ATP13A4: variants seen among roughly 807,000 people sequenced by gnomAD.
ATP13A4 encodes probable cation-transporting ATPase 13A4.
In ATP13A4, 114 loss-of-function variants were observed where a neutral mutation model predicts 142.5. That is an observed-to-expected ratio of 0.80 (90% CI 0.69 to 0.93). The LOEUF is 0.93. Ranked by LOEUF, ATP13A4 falls within the 40% of genes least tolerant of loss-of-function variation. The probability of loss-of-function intolerance (pLI) is 0.00; values close to 1 mark genes in which losing one functional copy is unlikely to be tolerated. For synonymous variants in ATP13A4, 488 were observed against 514.8 expected, an observed-to-expected ratio of 0.95 and a Z score of 0.70; for missense variants, 1,392 against 1,454.0, an observed-to-expected ratio of 0.96 and a Z score of 0.69.
rs899309318 is a variant in ATP13A4, at chr3:193,417,752, G to A, written c.2843-3002C>T. On this transcript the variant is annotated intron_variant, in intron 25 of 29. Transcript: ENST00000342695. The stretch of plus-strand genomic sequence containing the variant: ...TGTAATCCCAGCACTTCGGGAGGCC[G>A]AGGCAGGTGGATCACGAGGTCAGGA... Among the ~76,000 whole-genome samples the A allele has an allele frequency of 1.9e-4, 28 of 150,514 alleles. 2 individuals are homozygous for A. The highest frequency in any genetic ancestry group is 8.2e-4 in the Admixed American group (12 of 14,702).
chr3:193,491,402 T>C lies in ATP13A4; in HGVS notation c.534-4A>G. ...ATTAGGCCCACATATTAACCTCCTA[T>C]AGAAAGAAATCACAGATCACTCTGT... On this transcript the variant is annotated splice_region_variant and splice_polypyrimidine_tract_variant and intron_variant, in intron 5 of 29. Coordinates refer to ENST00000342695, the MANE Select transcript of ATP13A4 (RefSeq NM_032279.4). The C allele has an allele frequency of 3.2e-6, 5 of 1,566,036 alleles. No individual in the cohort carries two copies. Among genetic ancestry groups the C allele is most frequent in the East Asian group, 2.2e-5 (1 of 44,522 alleles).
intron 7 of ATP13A4, among the ~76,000 whole-genome samples, chr3:193,486,296 T>G (rs961483791): frequency 6.6e-6 from 1 of 152,086 alleles, no homozygotes. Flanking sequence ...GGGAATATTT[T>G]GAAGCATTTT....
intron 1 of ATP13A4, among the ~76,000 whole-genome samples, chr3:193,589,628 ATTTAG>A (rs923733386): frequency 2.0e-5 from 3 of 152,290 alleles, no homozygotes; most frequent in East Asian, 1.9e-4. Flanking sequence ...GAACTGGAAA[ATTTAG>A]TTTAAAGTAG....
intron 2 of ATP13A4, among the ~76,000 whole-genome samples, chr3:193,560,428 T>A (rs1414164590): frequency 6.6e-6 from 1 of 152,084 alleles, no homozygotes; most frequent in Non-Finnish European, 1.5e-5. Context: ...AGGCTGGTCT[T>A]GAACCCTGAG....
intron 8 of ATP13A4, among the ~76,000 whole-genome samples, chr3:193,477,746 C>T (rs919675643): frequency 6.6e-6 from 1 of 151,992 alleles, no homozygotes; most frequent in African/African-American, 2.4e-5. Flanking sequence ...AGATGAGCAT[C>T]GATGGAGATC....
intron 25 of ATP13A4, among the ~76,000 whole-genome samples, chr3:193,415,732 A>G (rs1348637752): frequency 6.6e-6 from 1 of 152,204 alleles, no homozygotes; most frequent in African/African-American, 2.4e-5. Flanking sequence ...TTATTAGGCT[A>G]ACAAATGCAG....
intron 2 of ATP13A4, among the ~76,000 whole-genome samples, chr3:193,506,097 T>G (rs1720848474): frequency 6.6e-6 from 1 of 152,208 alleles, no homozygotes; most frequent in Admixed American, 6.5e-5. Context: ...AAGTAGGAAC[T>G]TATTCTCCCT....
At position 193,414,583 on chromosome 3, in the gene ATP13A4, G is replaced by A. The variant is rs759206138; in HGVS notation, c.3010C>T (p.His1004Tyr). Residue 1004 changes from histidine (H) to tyrosine (Y), a missense_variant, in exon 26 of 30, where the codon CAC (histidine) becomes TAC (tyrosine). Transcript: ENST00000342695. ...QRQPWYSVEI[H>Y]SACTVQNESI... Reference sequence around the variant, plus strand: ...AAGCTGAGACTATACTCATACCTGTGTATCTCCACGGAATACCAAGGCTGC... The same window carrying A: ...AAGCTGAGACTATACTCATACCTGTATATCTCCACGGAATACCAAGGCTGC... The A allele has an allele frequency of 1.2e-6, 2 of 1,613,756 alleles. No individual in the cohort carries two copies. Among genetic ancestry groups the A allele is most frequent in the Non-Finnish European group, 1.7e-6 (2 of 1,179,748 alleles).
At chr3:193,421,311 A>G (rs559172731) in intron 25 of ATP13A4, among the ~76,000 whole-genome samples, 2 of 149,732 alleles carry the variant, frequency 1.3e-5, no homozygotes, top group African/African-American at 2.4e-5. Context: ...AAAATACTAT[A>G]CAAGTAAAGC....
At chr3:193,576,964 CAT>C (rs1384667350) in intron 2 of ATP13A4, among the ~76,000 whole-genome samples, 2 of 152,184 alleles carry the variant, frequency 1.3e-5, no homozygotes, top group Non-Finnish European at 2.9e-5. Flanking sequence ...ATTTTGAAAA[CAT>C]ATAAATATCT....
At chr3:193,534,438 G>C (rs942595315) in intron 1 of ATP13A4, among the ~76,000 whole-genome samples, 11 of 152,016 alleles carry the variant, frequency 7.2e-5, no homozygotes, top group African/African-American at 2.4e-4. Context: ...TATCTGATAA[G>C]GATTTTAAAG....
chr3:193,444,648 C>T (rs1293319253), intron 18 of ATP13A4, among the ~76,000 whole-genome samples: 5 of 152,020 alleles, frequency 3.3e-5, no homozygotes, highest in Non-Finnish European at 5.9e-5. Context: ...ATAGTTATGA[C>T]GATAATAACA....
At chr3:193,513,331 A>C (rs1721235200) in intron 2 of ATP13A4, among the ~76,000 whole-genome samples, 1 of 152,172 alleles carries the variant, frequency 6.6e-6, no homozygotes, top group African/African-American at 2.4e-5. Context: ...GTATCTAGAG[A>C]GATTGTAATA....
intron 11 of ATP13A4, 38 bp from the exon 12 acceptor site, chr3:193,465,166 C>A (rs772272325): frequency 1.2e-6 from 2 of 1,600,256 alleles, no homozygotes; most frequent in African/African-American, 1.3e-5. Flanking sequence ...ACAGACAAAT[C>A]TCTGATGAAC....
chr3:193,523,235 C>T (rs906111872), intron 1 of ATP13A4, among the ~76,000 whole-genome samples: 4 of 151,408 alleles, frequency 2.6e-5, no homozygotes, highest in African/African-American at 9.7e-5. Context: ...ACCTGGGAAG[C>T]GGAAGTTGTA....
intron 2 of ATP13A4, among the ~76,000 whole-genome samples, chr3:193,508,442 C>A (rs1039971446): frequency 6.6e-6 from 1 of 152,138 alleles, no homozygotes; most frequent in Non-Finnish European, 1.5e-5. Context: ...TCTCATCTTC[C>A]GGCTATGGGA....
chr3:193,554,690 C>G, intron 1 of ATP13A4, 50 bp downstream of exon 1: 1 of 1,559,780 alleles, frequency 6.4e-7, no homozygotes, highest in Non-Finnish European at 8.8e-7. Flanking sequence ...GTGTGTGTCT[C>G]GCAGGCTGAG....
At chr3:193,524,549 C>A (rs1721896234) in intron 1 of ATP13A4, among the ~76,000 whole-genome samples, 1 of 152,150 alleles carries the variant, frequency 6.6e-6, no homozygotes, top group Non-Finnish European at 1.5e-5. Context: ...TCTGGGAATA[C>A]CAGCCTGTCT....
Position 193,441,600 on chromosome 3 carries a change from GAC to G in ATP13A4, c.2317-14_2317-13del. On this transcript the variant is annotated splice_polypyrimidine_tract_variant and intron_variant, in intron 19 of 29. Coordinates refer to ENST00000342695, the MANE Select transcript of ATP13A4 (RefSeq NM_032279.4). ...TTAATGTAATTGTCCTACAAAGCAA[GAC>G]ACAGTTATTTTAGACTCTTTCATTT... The G allele has an allele frequency of 1.2e-6, 2 of 1,612,552 alleles. No individual in the cohort carries two copies. The highest frequency in any genetic ancestry group is 2.2e-5 in the East Asian group (1 of 44,782).
Sources: gnomAD v4.1 joint callset for allele counts (sites outside exome capture counted in the v4.1 genomes callset) on GRCh38, gnomAD v4.1.1 for gene constraint, MANE v1.5 for transcripts, NCBI Gene and HGNC (gene_info 2026-07-23, HGNC 2026-07-21) for gene names.